Variants in CPA6 observed in about 807,000 individuals in gnomAD.
CPA6 encodes carboxypeptidase B.
Under a neutral mutation model 63.3 loss-of-function variants are expected in CPA6, and 58 were observed. The ratio of observed to expected loss-of-function variants is 0.92; its 90% confidence interval spans 0.74 to 1.14. CPA6 has a LOEUF of 1.14. Ranked by LOEUF, CPA6 falls within the 50% of genes most tolerant of loss-of-function variation. The probability of loss-of-function intolerance (pLI) is 0.00; values close to 1 mark genes in which losing one functional copy is unlikely to be tolerated. For missense variants in CPA6, 565 were observed against 526.6 expected, an observed-to-expected ratio of 1.07 and a Z score of -0.71; for synonymous variants, 185 against 179.0, an observed-to-expected ratio of 1.03 and a Z score of -0.27.
intron 2 of CPA6, among the ~76,000 whole-genome samples, chr8:67,574,376 CAAA>C (rs1181267622): frequency 3.1e-5 from 2 of 65,218 alleles, no homozygotes; most frequent in Non-Finnish European, 6.8e-5. Context: ...GACTCTGTCT[CAAA>C]AAAAAAAAAA....
chr8:67,585,041 G>A (rs2128979343), intron 2 of CPA6, among the ~76,000 whole-genome samples: 1 of 152,270 alleles, frequency 6.6e-6, no homozygotes, highest in Non-Finnish European at 1.5e-5. Context: ...AGGAAAATAA[G>A]TAAACATTTG....
chr8:67,713,083 ATGTGTGTG>A (rs368243285), intron 1 of CPA6, among the ~76,000 whole-genome samples: 58 of 75,800 alleles, frequency 7.7e-4, no homozygotes, highest in South Asian at 1.5e-3. Context: ...CTGTGTGTGT[ATGTGTGTG>A]TGTGTGTGTA....
At chr8:67,626,947 A>AACT (rs1815206707) in intron 1 of CPA6, among the ~76,000 whole-genome samples, 1 of 152,118 alleles carries the variant, frequency 6.6e-6, no homozygotes, top group South Asian at 2.1e-4. Context: ...GATACAAAGA[A>AACT]ACTACCCTTG....
intron 1 of CPA6, among the ~76,000 whole-genome samples, chr8:67,652,590 G>GT (rs1294139956): frequency 2.0e-5 from 3 of 150,948 alleles, no homozygotes; most frequent in Admixed American, 2.0e-4. Context: ...TGATGGGGTT[G>GT]TTTTTTTCTT....
chr8:67,475,862 T>TCTC (rs1563967812), intron 8 of CPA6, among the ~76,000 whole-genome samples: 3 of 100,088 alleles, frequency 3.0e-5, no homozygotes, highest in Non-Finnish European at 6.0e-5. Flanking sequence ...TTTCTTTCTT[T>TCTC]CTTTCTTTCT....
chr8:67,571,904 T>A lies in CPA6; in HGVS notation c.192+52272A>T, dbSNP rs564993832. The stretch of plus-strand genomic sequence containing the variant: ...TTGATTAAACTAAGAGTTGGTTTTT[T>A]AAAAAGATAAACAAAATTGACAAAC... On this transcript the variant is annotated intron_variant, in intron 2 of 10. Transcript: ENST00000297770. Among the ~76,000 whole-genome samples the A allele has an allele frequency of 6.4e-3, 970 of 151,924 alleles. 9 individuals carry two copies. Among genetic ancestry groups the A allele is most frequent in the African/African-American group, 0.022 (921 of 41,462 alleles).
At position 67,450,693 on chromosome 8, in the gene CPA6, T is replaced by A. The variant is rs186613412; in HGVS notation, c.839-16453A>T. On this transcript the variant is annotated intron_variant, in intron 8 of 10. Coordinates refer to ENST00000297770, the MANE Select transcript of CPA6 (RefSeq NM_020361.5). The stretch of plus-strand genomic sequence containing the variant: ...CGTGAGTGGTGACAATCTTGCCTTG[T>A]ATCTATTGGCTGTATAGCCACAGTG... Among the ~76,000 whole-genome samples, 29 of 152,348 alleles carry A rather than the reference T, an allele frequency of 1.9e-4. No individual in the cohort carries two copies. In the East Asian group the frequency reaches 5.6e-3, roughly 29 times the overall value.
intron 8 of CPA6, among the ~76,000 whole-genome samples, chr8:67,449,941 T>C (rs1810517949): frequency 6.6e-6 from 1 of 151,258 alleles, no homozygotes; most frequent in East Asian, 2.0e-4. Flanking sequence ...TCAGTCTCCC[T>C]AGTAGTTGGG....
intron 1 of CPA6, among the ~76,000 whole-genome samples, chr8:67,685,339 C>A (rs1484131019): frequency 6.6e-6 from 1 of 152,110 alleles, no homozygotes; most frequent in Non-Finnish European, 1.5e-5. Context: ...AATTGCTGGC[C>A]GGGCGCAGTG....
intron 6 of CPA6, among the ~76,000 whole-genome samples, chr8:67,498,572 A>G (rs1434253506): frequency 2.0e-5 from 3 of 150,860 alleles, no homozygotes; most frequent in African/African-American, 4.9e-5. Context: ...AATTAACGCC[A>G]AAAGGGAATA....
intron 1 of CPA6, among the ~76,000 whole-genome samples, chr8:67,684,001 G>GTATATATA (rs3056573): frequency 0.015 from 1,798 of 116,868 alleles, 24 homozygotes; most frequent in Non-Finnish European, 0.021. Context: ...ATTTTAAAAT[G>GTATATATA]TATATATATA....
At chr8:67,714,304 C>T (rs914040783) in intron 1 of CPA6, among the ~76,000 whole-genome samples, 1 of 152,108 alleles carries the variant, frequency 6.6e-6, no homozygotes, top group Non-Finnish European at 1.5e-5. Flanking sequence ...GAGAATTTGC[C>T]CCAACTGAGG....
intron 8 of CPA6, among the ~76,000 whole-genome samples, chr8:67,436,307 C>A (rs972102911): frequency 2.0e-5 from 3 of 151,810 alleles, no homozygotes; most frequent in Non-Finnish European, 2.9e-5. Context: ...TTTCCAGCTT[C>A]CCCAGGCTCC....
At chr8:67,430,512 C>A (rs2128951730) in intron 9 of CPA6, among the ~76,000 whole-genome samples, 1 of 152,072 alleles carries the variant, frequency 6.6e-6, no homozygotes, top group South Asian at 2.1e-4. Context: ...AAAACATTGC[C>A]AGAAATACCG....
chr8:67,665,620 A>C (rs1381654811), intron 1 of CPA6, among the ~76,000 whole-genome samples: 1 of 152,132 alleles, frequency 6.6e-6, no homozygotes, highest in Non-Finnish European at 1.5e-5. Flanking sequence ...CTAGACTCCC[A>C]CATGTATGGC....
At position 67,484,691 on chromosome 8, in the gene CPA6, A is replaced by T. The variant is rs745513116; in HGVS notation, c.735T>A (p.Phe245Leu). 1 of 1,577,014 alleles carries T rather than the reference A, an allele frequency of 6.3e-7. No homozygotes were observed. The highest frequency in any genetic ancestry group is 1.7e-5 in the Admixed American group (1 of 59,436). The change falls in exon 7 of 11, where the codon TTT (phenylalanine) becomes TTA (leucine). Residue 245 changes from phenylalanine (F) to leucine (L), a missense_variant. Physicochemically the swap from Phe to Leu is conservative, Grantham distance 22. Coordinates refer to ENST00000297770, the MANE Select transcript of CPA6 (RefSeq NM_020361.5). Reference protein sequence around the residue: ...MPVFNVDGYHFSWTNDRFWRK... With the variant: ...MPVFNVDGYHLSWTNDRFWRK... The stretch of plus-strand genomic sequence containing the variant: ...CAAAGTGACTTACATTGGTCCAACT[A>T]AAATGGTATCCATCGACGTTAAACA...
At chr8:67,565,159 TC>T (rs1813305563) in intron 2 of CPA6, among the ~76,000 whole-genome samples, 2 of 114,080 alleles carry the variant, frequency 1.8e-5, no homozygotes, top group East Asian at 5.1e-4. Context: ...ACAGCGTTTT[TC>T]TTTTTCTTTC....
intron 1 of CPA6, among the ~76,000 whole-genome samples, chr8:67,686,106 A>T (rs1341787062): frequency 1.3e-5 from 2 of 151,882 alleles, no homozygotes; most frequent in Admixed American, 6.6e-5. Context: ...AATACTGATT[A>T]AATAAATGAA....
intron 1 of CPA6, among the ~76,000 whole-genome samples, chr8:67,684,471 C>T (rs910232523): frequency 6.6e-6 from 1 of 152,088 alleles, no homozygotes; most frequent in East Asian, 1.9e-4. Context: ...GTTCTCACCT[C>T]CCTTGCCATC....
Sources: allele counts gnomAD v4.1 joint callset (sites outside exome capture counted in the v4.1 genomes callset), GRCh38; gene constraint gnomAD v4.1.1; transcripts MANE v1.5; gene names NCBI Gene and HGNC (gene_info 2026-07-23, HGNC 2026-07-21).